The following MARCHF3 variants were observed in gnomAD, a reference collection of about 807,000 sequenced individuals.
The protein encoded by MARCHF3 is E3 ubiquitin-protein ligase MARCHF3.
In MARCHF3, 13 loss-of-function variants were observed where a neutral mutation model predicts 24.2. The observed-to-expected ratio is 0.54, with a 90% CI of 0.35 to 0.85. The LOEUF (loss-of-function observed/expected upper bound fraction) is 0.85, where lower values mean the gene tolerates loss of function less well. Ranked by LOEUF, MARCHF3 falls within the 40% of genes least tolerant of loss-of-function variation. The pLI, the probability that MARCHF3 is intolerant of heterozygous loss-of-function variation, is 0.01. For synonymous variants in MARCHF3, 144 were observed against 137.3 expected (o/e 1.05, Z -0.34); for missense variants, 276 against 325.0 (o/e 0.85, Z 1.16).
intron 3 of MARCHF3, among the ~76,000 whole-genome samples, chr5:126,898,284 G>C (rs1753992544): frequency 6.6e-6 from 1 of 152,008 alleles, no homozygotes; most frequent in Non-Finnish European, 1.5e-5. Flanking sequence ...AAAATCTGAA[G>C]TATCCTATAG....
intron 1 of MARCHF3, among the ~76,000 whole-genome samples, chr5:126,967,005 AG>A (rs1202231041): frequency 7.3e-6 from 1 of 136,196 alleles, no homozygotes; most frequent in Non-Finnish European, 1.6e-5. Flanking sequence ...TTTGGGGAAC[AG>A]GTGATTTGGT....
chr5:126,910,003 A>T (rs976269024), intron 3 of MARCHF3, among the ~76,000 whole-genome samples: 1 of 152,222 alleles, frequency 6.6e-6, no homozygotes, highest in Admixed American at 6.5e-5. Context: ...CACAGGGAAC[A>T]GCTTTTAAAT....
Position 126,878,197 on chromosome 5 carries a change from G to C in MARCHF3, c.591C>G (p.Leu197=). ...GGCCCATACTTACTAGTGTCCAAAA[G>C]AGGTAAATAGTGAAGAGTGCGACAG... ...ALTVALFTIY[L]FWTLVSFRYH... The change falls in exon 4 of 5, where the codon CTC becomes CTG. Residue 197 remains leucine, a synonymous_variant. Coordinates refer to ENST00000308660, the MANE Select transcript of MARCHF3 (RefSeq NM_178450.5). The C allele has an allele frequency of 6.2e-7, 1 of 1,614,106 alleles. No homozygotes were observed. Among genetic ancestry groups the C allele is most frequent in the Non-Finnish European group, 8.5e-7 (1 of 1,180,036 alleles).
At chr5:126,934,120 A>C (rs541558756) in intron 1 of MARCHF3, among the ~76,000 whole-genome samples, 2 of 152,324 alleles carry the variant, frequency 1.3e-5, no homozygotes, top group East Asian at 3.9e-4. Context: ...CTGCATTCAC[A>C]GGAATAGTTT....
intron 1 of MARCHF3, chr5:127,029,825 GC>G (rs1448993014): frequency 2.0e-5 from 3 of 152,270 alleles, no homozygotes; most frequent in Non-Finnish European, 4.4e-5. Flanking sequence ...AAAGTTCAAA[GC>G]CCAGCAGTGC....
intron 1 of MARCHF3, among the ~76,000 whole-genome samples, chr5:126,950,956 C>T (rs1352472695): frequency 1.3e-5 from 2 of 152,150 alleles, no homozygotes; most frequent in East Asian, 3.8e-4. Flanking sequence ...TCAGACCACA[C>T]CACAATCAAG....
chr5:126,967,292 T>C (rs1410074953), intron 1 of MARCHF3, among the ~76,000 whole-genome samples: 1 of 152,166 alleles, frequency 6.6e-6, no homozygotes, highest in African/African-American at 2.4e-5. Flanking sequence ...TAATTTGGCA[T>C]ACACGATATG....
chr5:126,912,207 AAGG>A (rs1754558945), intron 3 of MARCHF3, among the ~76,000 whole-genome samples: 2 of 152,212 alleles, frequency 1.3e-5, no homozygotes, highest in African/African-American at 4.8e-5. Flanking sequence ...GAGATAAGAA[AAGG>A]AAGTGAAGAA....
intron 3 of MARCHF3, among the ~76,000 whole-genome samples, chr5:126,912,378 A>G (rs1754568537): frequency 6.6e-6 from 1 of 152,218 alleles, no homozygotes; most frequent in Admixed American, 6.5e-5. Flanking sequence ...TGACTTTTTA[A>G]ACTGCTTCCT....
At chr5:126,990,738 G>A (rs910830927) in intron 1 of MARCHF3, among the ~76,000 whole-genome samples, 3 of 152,112 alleles carry the variant, frequency 2.0e-5, no homozygotes, top group Non-Finnish European at 2.9e-5. Context: ...GTGGGCAAAG[G>A]ATATGAACAG....
intron 1 of MARCHF3, among the ~76,000 whole-genome samples, chr5:126,985,509 G>A (rs964337971): frequency 6.9e-5 from 10 of 145,706 alleles, no homozygotes; most frequent in African/African-American, 1.3e-4. Context: ...TCACTCTGTC[G>A]CCCAGGCTGG....
At chr5:126,873,277 G>A (rs12655991) in intron 4 of MARCHF3, among the ~76,000 whole-genome samples, 3,090 of 152,196 alleles carry the variant, frequency 0.02, 74 homozygotes, top group South Asian at 0.11. Context: ...AATGATATTT[G>A]ATGTAATGCA....
rs141077514 is a variant in MARCHF3 at position 126,932,795 on chromosome 5, C to T, written c.-56-14568G>A. Among the ~76,000 whole-genome samples, 274 of 152,248 alleles carry T rather than the reference C, an allele frequency of 1.8e-3. 2 individuals carry two copies. The highest frequency in any genetic ancestry group is 6.8e-3 in the Middle Eastern group (2 of 294). ...CTAGGAGCTTTCCATTTATCCTCCC[C>T]AGGTTTTCCCAAGAGCCAGGTACCA... On this transcript the variant is annotated intron_variant, in intron 1 of 4. Coordinates refer to ENST00000308660, the MANE Select transcript of MARCHF3 (RefSeq NM_178450.5).
intron 3 of MARCHF3, among the ~76,000 whole-genome samples, chr5:126,907,015 G>T (rs139722398): frequency 0.052 from 7,844 of 151,728 alleles, 328 homozygotes; most frequent in African/African-American, 0.12. Context: ...CTGGTATGTT[G>T]TGTCTTTGTT....
At chr5:127,005,941 C>G (rs1339163327) in intron 1 of MARCHF3, among the ~76,000 whole-genome samples, 1 of 152,038 alleles carries the variant, frequency 6.6e-6, no homozygotes, top group African/African-American at 2.4e-5. Context: ...GTGGCTCATG[C>G]CTGTAATCCC....
intron 1 of MARCHF3, among the ~76,000 whole-genome samples, chr5:127,000,827 C>G (rs565524427): frequency 1.3e-5 from 2 of 152,112 alleles, no homozygotes; most frequent in Non-Finnish European, 2.9e-5. Context: ...CCACCACGCC[C>G]GGCTAATTTT....
intron 1 of MARCHF3, among the ~76,000 whole-genome samples, chr5:126,947,219 T>C (rs1255442135): frequency 1.3e-5 from 2 of 152,210 alleles, no homozygotes; most frequent in African/African-American, 2.4e-5. Flanking sequence ...GCTGCCGACA[T>C]TTATTGACAA....
intron 1 of MARCHF3, among the ~76,000 whole-genome samples, chr5:126,932,781 C>A (rs923823099): frequency 7.2e-5 from 11 of 152,150 alleles, no homozygotes; most frequent in Non-Finnish European, 1.6e-4. Context: ...TAGGAGCTTT[C>A]CATTTATCCT....
At chr5:126,958,643 G>A (rs1750530650) in intron 1 of MARCHF3, among the ~76,000 whole-genome samples, 1 of 151,940 alleles carries the variant, frequency 6.6e-6, no homozygotes, top group African/African-American at 2.4e-5. Flanking sequence ...ACAGATCAAG[G>A]GTACTGAATA....
Sources: allele counts gnomAD v4.1 joint callset (sites outside exome capture counted in the v4.1 genomes callset), GRCh38; gene constraint gnomAD v4.1.1; transcripts MANE v1.5; gene names NCBI Gene and HGNC (gene_info 2026-07-23, HGNC 2026-07-21).